Variants in SYNPR observed in about 807,000 individuals in gnomAD.
SYNPR encodes the protein synaptoporin.
Under a neutral mutation model 32.9 loss-of-function variants are expected in SYNPR, and 23 were observed. The observed-to-expected ratio is 0.70, with a 90% CI of 0.50 to 0.99. SYNPR has a LOEUF of 0.99. SYNPR is among the 50% of genes least tolerant of loss of function. SYNPR has a pLI of 0.00. For missense variants in SYNPR, 318 were observed against 349.3 expected (o/e 0.91, Z 0.71); for synonymous variants, 146 against 135.9 (o/e 1.07, Z -0.52).
chr3:63,493,978 G>C (rs1047251386), intron 3 of SYNPR, among the ~76,000 whole-genome samples: 22 of 152,080 alleles, frequency 1.4e-4, no homozygotes, highest in African/African-American at 5.3e-4. Context: ...GAATCAGACA[G>C]AGCTTTGATT....
Position 63,480,761 on chromosome 3 carries a change from C to A in SYNPR, c.85-71C>A. 2.6e-6 allele frequency: 4 copies of A among 1,559,384 alleles called. No homozygotes were observed. The South Asian group carries it at 3.6e-5, about 14-fold the overall frequency. On this transcript the variant is annotated intron_variant, in intron 2 of 5. Transcript: ENST00000478300. ...TTCCCTCAATCCAGACATTAAGCTC[C>A]TTTTGATATATCTCATTAGAGCAAC...
chr3:63,609,145 C>A lies in SYNPR; in HGVS notation c.429C>A (p.Val143=), dbSNP rs1168707688. Reference sequence around the variant, plus strand: ...TGTAGGACTTCATTGTCACTGTAGTCTTTTCGTTCTTGTGGTTGGTGGGTT... The same window carrying A: ...TGTAGGACTTCATTGTCACTGTAGTATTTTCGTTCTTGTGGTTGGTGGGTT... ...GPLIDFIVTV[V]FSFLWLVGSS... is the part of the protein sequence containing the mutation. The change falls in exon 5 of 6, where the codon GTC becomes GTA. Residue 143 remains valine (V), a synonymous_variant. Coordinates refer to ENST00000478300, the MANE Select transcript of SYNPR (RefSeq NM_001130003.2). The A allele has an allele frequency of 6.2e-7, 1 of 1,609,496 alleles. No homozygotes were observed. Among genetic ancestry groups the A allele is most frequent in the African/African-American group, 1.3e-5 (1 of 74,960 alleles).
At chr3:63,495,680 C>T (rs764006988) in intron 3 of SYNPR, among the ~76,000 whole-genome samples, 4 of 152,046 alleles carry the variant, frequency 2.6e-5, no homozygotes, top group Admixed American at 6.6e-5. Flanking sequence ...TTTAAAATAT[C>T]CTTTTTTATT....
chr3:63,315,126 TG>T (rs975024888), intron 2 of SYNPR, among the ~76,000 whole-genome samples: 126 of 152,244 alleles, frequency 8.3e-4, no homozygotes, highest in African/African-American at 2.8e-3. Flanking sequence ...CATGCTGTTT[TG>T]GTGACTACGG....
chr3:63,615,616 A>G lies in SYNPR; in HGVS notation c.*135A>G, dbSNP rs756575193. 1 of 1,203,592 alleles carries G rather than the reference A, an allele frequency of 8.3e-7. No homozygotes were observed. 74.6% of individuals were successfully genotyped at this position (1,203,592 alleles called of 1,614,324 possible). On this transcript the variant is annotated 3_prime_UTR_variant, in exon 6 of 6. Coordinates refer to ENST00000478300, the MANE Select transcript of SYNPR (RefSeq NM_001130003.2). ...AAATCAGAGCTCTCTAGTCTTCATT[A>G]AGGCAGCAAGTCCTGGGTTGTGAAA... is the stretch of plus-strand genomic sequence containing the variant.
chr3:63,585,952 C>G (rs915141845), intron 4 of SYNPR, among the ~76,000 whole-genome samples: 1 of 152,056 alleles, frequency 6.6e-6, no homozygotes, highest in Non-Finnish European at 1.5e-5. Context: ...TATGAATCCA[C>G]TAGTCATCTT....
At chr3:63,332,336 C>T (rs2087239786) in intron 2 of SYNPR, among the ~76,000 whole-genome samples, 1 of 152,190 alleles carries the variant, frequency 6.6e-6, no homozygotes, top group African/African-American at 2.4e-5. Context: ...GGTTTGATCC[C>T]TTTACCCTTG....
At chr3:63,347,875 T>TTGTGTGTGTGTGTG (rs10597535) in intron 2 of SYNPR, among the ~76,000 whole-genome samples, 2 of 144,386 alleles carry the variant, frequency 1.4e-5, no homozygotes, top group Non-Finnish European at 3.0e-5. Context: ...TAGTATTCCA[T>TTGTGTGTGTGTGTG]TGTGTGTGTG....
chr3:63,421,379 T>C (rs937446642), intron 2 of SYNPR, among the ~76,000 whole-genome samples: 8 of 150,470 alleles, frequency 5.3e-5, no homozygotes, highest in Admixed American at 2.0e-4. Context: ...GATAAATATA[T>C]AGACAAAATA....
chr3:63,484,329 T>C (rs1266455914), intron 3 of SYNPR, among the ~76,000 whole-genome samples: 1 of 152,186 alleles, frequency 6.6e-6, no homozygotes, highest in Non-Finnish European at 1.5e-5. Flanking sequence ...TGAAATTTAC[T>C]TGATAACTAG....
At chr3:63,338,274 C>G (rs902813669) in intron 2 of SYNPR, among the ~76,000 whole-genome samples, 10 of 152,174 alleles carry the variant, frequency 6.6e-5, no homozygotes, top group Non-Finnish European at 1.2e-4. Flanking sequence ...CTAAGTAGTT[C>G]TGCTTCTCGT....
the SYNPR span, among the ~76,000 whole-genome samples, chr3:63,220,410 T>A: frequency 6.6e-6 from 1 of 152,148 alleles, no homozygotes; most frequent in Non-Finnish European, 1.5e-5. Flanking sequence ...CCTGGGGCTG[T>A]CCTTGAAGTC....
At chr3:63,467,145 G>A (rs1039081677) in intron 2 of SYNPR, among the ~76,000 whole-genome samples, 2 of 151,940 alleles carry the variant, frequency 1.3e-5, no homozygotes, top group African/African-American at 4.8e-5. Context: ...CAAGTAGTTG[G>A]GACTACAGGC....
intron 2 of SYNPR, among the ~76,000 whole-genome samples, chr3:63,403,010 A>G (rs1271569188): frequency 6.6e-6 from 1 of 152,212 alleles, no homozygotes; most frequent in African/African-American, 2.4e-5. Flanking sequence ...GGCTCTGGAC[A>G]GGAGAAGAGA....
chr3:63,432,763 C>T (rs1309941617), intron 2 of SYNPR, among the ~76,000 whole-genome samples: 3 of 152,164 alleles, frequency 2.0e-5, no homozygotes, highest in Non-Finnish European at 2.9e-5. Flanking sequence ...TGGTGAGACT[C>T]CCCTTCCTGC....
At chr3:63,526,781 C>G (rs1255012387) in intron 3 of SYNPR, among the ~76,000 whole-genome samples, 1 of 152,128 alleles carries the variant, frequency 6.6e-6, no homozygotes, top group Non-Finnish European at 1.5e-5. Flanking sequence ...AAACAAAGAC[C>G]AAGGAACAAG....
chr3:63,353,613 G>A (rs1308667278), intron 2 of SYNPR, among the ~76,000 whole-genome samples: 1 of 152,168 alleles, frequency 6.6e-6, no homozygotes, highest in Non-Finnish European at 1.5e-5. Flanking sequence ...TCACAGTCCT[G>A]CCTGACTCAC....
intron 2 of SYNPR, among the ~76,000 whole-genome samples, chr3:63,407,623 T>C (rs993141733): frequency 1.3e-5 from 2 of 152,200 alleles, no homozygotes; most frequent in South Asian, 2.1e-4. Context: ...ATGCCTTCTT[T>C]GTAATCATAT....
intron 2 of SYNPR, among the ~76,000 whole-genome samples, chr3:63,472,056 A>T (rs989175026): frequency 1.3e-5 from 2 of 152,218 alleles, no homozygotes; most frequent in East Asian, 1.9e-4. Context: ...GCTGAGGCAC[A>T]GTACGTGAGC....
Sources: gnomAD v4.1 joint callset for allele counts (sites outside exome capture counted in the v4.1 genomes callset) on GRCh38, gnomAD v4.1.1 for gene constraint, MANE v1.5 for transcripts, NCBI Gene and HGNC (gene_info 2026-07-23, HGNC 2026-07-21) for gene names.